The following PAFAH1B1 variants were observed in gnomAD, a reference collection of about 807,000 sequenced individuals.
PAFAH1B1 encodes platelet-activating factor acetylhydrolase IB subunit beta.
PAFAH1B1 carries 2 observed loss-of-function variants against 57.5 expected under a neutral mutation model. The ratio of observed to expected loss-of-function variants is 0.03; its 90% CI spans 0.01 to 0.11. The LOEUF is 0.11. Among genes scored for constraint, PAFAH1B1 ranks in the 10% least tolerant of loss-of-function variants. The pLI is 1.00. For missense variants in PAFAH1B1, 257 were observed against 512.0 expected, an observed-to-expected ratio of 0.50 and a Z score of 4.81; for synonymous variants, 152 against 169.6, an observed-to-expected ratio of 0.90 and a Z score of 0.81.
chr17:2,663,989 A>G (rs532463868), intron 2 of PAFAH1B1, among the ~76,000 whole-genome samples: 21 of 151,794 alleles, frequency 1.4e-4, no homozygotes, highest in South Asian at 2.1e-4. Flanking sequence ...CACCGCTCCC[A>G]GCCTCTGGTC....
intron 2 of PAFAH1B1, among the ~76,000 whole-genome samples, chr17:2,662,652 TC>T (rs1173609450): frequency 1.3e-5 from 2 of 151,946 alleles, no homozygotes; most frequent in Non-Finnish European, 2.9e-5. Context: ...TGATCTGCCC[TC>T]CTGGGCCTCC....
intron 7 of PAFAH1B1, among the ~76,000 whole-genome samples, chr17:2,673,068 CA>C (rs200096941): frequency 2.1e-5 from 3 of 144,472 alleles, no homozygotes; most frequent in Non-Finnish European, 4.6e-5. Context: ...GACTCCGTCT[CA>C]AAAAAAAAGA....
intron 2 of PAFAH1B1, among the ~76,000 whole-genome samples, chr17:2,664,841 G>A (rs918243285): frequency 2.6e-5 from 4 of 152,062 alleles, no homozygotes; most frequent in African/African-American, 9.7e-5. Context: ...CTCATTCTAC[G>A]ACAGTACACT....
intron 1 of PAFAH1B1, among the ~76,000 whole-genome samples, chr17:2,603,316 A>G (rs548387198): frequency 1.6e-4 from 25 of 152,132 alleles, no homozygotes; most frequent in Non-Finnish European, 3.1e-4. Flanking sequence ...TGCCTGGGTA[A>G]TTTTTGTATT....
chr17:2,629,243 T>C (rs895675602), intron 1 of PAFAH1B1, among the ~76,000 whole-genome samples: 8 of 152,194 alleles, frequency 5.3e-5, no homozygotes, highest in Non-Finnish European at 1.0e-4. Context: ...CTATGAACTT[T>C]CCTCTTAGCA....
intron 1 of PAFAH1B1, chr17:2,613,599 G>A (rs536858843): frequency 9.8e-5 from 28 of 286,482 alleles, no homozygotes; most frequent in Non-Finnish European, 1.8e-4. Context: ...CCCGTCAGCA[G>A]TGGCAGGGTC....
chr17:2,607,554 G>A (rs1017805550), intron 1 of PAFAH1B1, among the ~76,000 whole-genome samples: 4 of 151,110 alleles, frequency 2.6e-5, no homozygotes, highest in East Asian at 1.9e-4. Context: ...GCACCATCTC[G>A]GCTCACTGCA....
rs912580200 is a variant in PAFAH1B1 at position 2,684,160 on chromosome 17, G to A, written c.*2358G>A. On this transcript the variant is annotated 3_prime_UTR_variant, in exon 11 of 11. Coordinates refer to ENST00000397195, the MANE Select transcript of PAFAH1B1 (RefSeq NM_000430.4). The stretch of plus-strand genomic sequence containing the variant: ...CTCCATGTGAGAAGCAGCGAACATT[G>A]AATCTCAGGGATGGCCCACAACTGG... 1 of 152,638 alleles carries A rather than the reference G, an allele frequency of 6.6e-6. No homozygotes were observed. Among genetic ancestry groups the A allele is most frequent in the Non-Finnish European group, 1.5e-5 (1 of 68,046 alleles). 9.5% of individuals were successfully genotyped at this position (152,638 alleles called of 1,614,324 possible). A position where few individuals can be genotyped will look rare whatever the true frequency, so the allele number is the denominator to read the frequency against.
rs111378045 is a variant in PAFAH1B1 at position 2,601,130 on chromosome 17, A to ATTAT, written c.-191+7139_-191+7142dup. 5.9e-4 allele frequency among the ~76,000 whole-genome samples: 89 copies of ATTAT among 152,100 alleles called. 2 individuals are homozygous for ATTAT. The highest frequency in any genetic ancestry group is 2.1e-3 in the African/African-American group (86 of 41,494). On this transcript the variant is annotated intron_variant, in intron 1 of 10. Transcript: ENST00000397195. ...TAAACTCATACATGAATATTTATTT[A>ATTAT]TTATTTATTTATTTATTTTTCAAGA... is the stretch of plus-strand genomic sequence containing the variant.
In PAFAH1B1 at chr17:2,672,694, A is replaced by G. The variant is rs377583144; in HGVS notation, c.608A>G (p.Asn203Ser). 92 of 1,613,430 alleles carry G rather than the reference A, an allele frequency of 5.7e-5. 1 individual carries two copies. The highest frequency in any genetic ancestry group is 3.3e-4 in the African/African-American group (25 of 74,880). ...HNVSSVAIMP[N>S]GDHIVSASRD... ...GTTTCTTCAGTAGCCATCATGCCCA[A>G]TGGAGATCATATAGTGTCTGCCTCA... is the stretch of plus-strand genomic sequence containing the variant. Residue 203 changes from asparagine (N) to serine (S), a missense_variant, in exon 7 of 11, where the codon AAT becomes AGT. By Grantham distance (46) the Asn-to-Ser change is conservative. Transcript: ENST00000397195.
intron 2 of PAFAH1B1, among the ~76,000 whole-genome samples, chr17:2,654,059 G>A (rs1287568969): frequency 6.0e-5 from 9 of 151,046 alleles, no homozygotes; most frequent in South Asian, 2.1e-4. Context: ...CACCCGCCTC[G>A]GCCTCCAAAA....
intron 2 of PAFAH1B1, among the ~76,000 whole-genome samples, chr17:2,653,075 GA>G (rs1333149054): frequency 1.3e-5 from 2 of 152,150 alleles, no homozygotes; most frequent in East Asian, 3.8e-4. Context: ...ATACATCGTG[GA>G]ATACTATGCA....
Position 2,645,550 on chromosome 17 carries a change from AC to A in PAFAH1B1, c.32+7232del, listed in dbSNP as rs1344221829. Among the ~76,000 whole-genome samples, 3 of 149,774 alleles carry A rather than the reference AC, an allele frequency of 2.0e-5. No individual in the cohort carries two copies. The East Asian group carries it at 6.1e-4, about 30-fold the overall frequency. On this transcript the variant is annotated intron_variant, in intron 2 of 10. Transcript: ENST00000397195. ...AGAGGTTGCAGTGAGCCGAGATCGCACCACTGCACTCCAGCCTGGGGGACAG... is the reference window on the plus strand; with the variant it reads ...AGAGGTTGCAGTGAGCCGAGATCGCACACTGCACTCCAGCCTGGGGGACAG...
intron 9 of PAFAH1B1, among the ~76,000 whole-genome samples, chr17:2,678,685 G>C (rs2069314679): frequency 6.6e-6 from 1 of 152,130 alleles, no homozygotes; most frequent in Non-Finnish European, 1.5e-5. Context: ...TTTGAGACCA[G>C]CCTGAGCAAC....
chr17:2,636,585 G>A (rs995351527), intron 1 of PAFAH1B1, among the ~76,000 whole-genome samples: 22 of 152,110 alleles, frequency 1.4e-4, no homozygotes, highest in Admixed American at 9.2e-4. Context: ...TTTTAGTAGA[G>A]ACGAGATTTC....
intron 6 of PAFAH1B1, among the ~76,000 whole-genome samples, chr17:2,672,371 A>G (rs1408143147): frequency 6.6e-6 from 1 of 151,426 alleles, no homozygotes; most frequent in African/African-American, 2.4e-5. Flanking sequence ...ATATGAATAT[A>G]TTCAAATGTT....
chr17:2,666,184 A>G (rs779782185), intron 4 of PAFAH1B1, 94 bp downstream of exon 4: 1 of 1,119,554 alleles, frequency 8.9e-7, no homozygotes, highest in Non-Finnish European at 1.2e-6. Flanking sequence ...AATTGCATCT[A>G]ATCTTTAAAA....
intron 8 of PAFAH1B1, among the ~76,000 whole-genome samples, chr17:2,675,629 G>T (rs1484996164): frequency 7.9e-6 from 1 of 127,226 alleles, no homozygotes; most frequent in Non-Finnish European, 1.7e-5. Flanking sequence ...CGTCTCTACA[G>T]AAAACTTTTT....
chr17:2,608,363 C>T (rs760343137), intron 1 of PAFAH1B1, among the ~76,000 whole-genome samples: 17 of 152,188 alleles, frequency 1.1e-4, no homozygotes, highest in African/African-American at 1.9e-4. Flanking sequence ...GGATTACAGG[C>T]GTGAGCCATC....
Sources: gnomAD v4.1 joint callset for allele counts (sites outside exome capture counted in the v4.1 genomes callset) on GRCh38, gnomAD v4.1.1 for gene constraint, MANE v1.5 for transcripts, NCBI Gene and HGNC (gene_info 2026-07-23, HGNC 2026-07-21) for gene names.